EFCAB8: variants seen among roughly 807,000 people sequenced by gnomAD.
The protein encoded by EFCAB8 is EF-hand calcium binding domain 8.
In EFCAB8, 100 loss-of-function variants were observed where a neutral mutation model predicts 116.3. That is an observed-to-expected ratio of 0.86 (90% CI 0.73 to 1.02). The LOEUF is 1.02. Ranked by LOEUF, EFCAB8 falls within the 50% of genes least tolerant of loss-of-function variation. The pLI, the probability that EFCAB8 is intolerant of heterozygous loss-of-function variation, is 0.00. For missense variants in EFCAB8, 1,320 were observed against 1,416.9 expected (o/e 0.93, Z 1.10); for synonymous variants, 558 against 567.9 (o/e 0.98, Z 0.25).
chr20:32,955,607 C>G (rs753160357), intron 23 of EFCAB8, among the ~76,000 whole-genome samples: 1 of 152,116 alleles, frequency 6.6e-6, no homozygotes, highest in Non-Finnish European at 1.5e-5. Flanking sequence ...ATTCGAGAGT[C>G]CTGTTTGGAT....
intron 14 of EFCAB8, among the ~76,000 whole-genome samples, chr20:32,909,022 G>A (rs970826986): frequency 2.0e-5 from 3 of 152,222 alleles, no homozygotes; most frequent in African/African-American, 7.2e-5. Flanking sequence ...GAAGGTGGAG[G>A]CTTGGGGAGC....
At chr20:32,882,414 G>A (rs558092765) in intron 5 of EFCAB8, among the ~76,000 whole-genome samples, 3 of 152,306 alleles carry the variant, frequency 2.0e-5, no homozygotes, top group African/African-American at 4.8e-5. Context: ...ACACAGTTCC[G>A]GAATCAGTCC....
At chr20:32,917,158 A>G in intron 17 of EFCAB8, 143 bp from the exon 18 acceptor site, 1 of 648,010 alleles carries the variant, frequency 1.5e-6, no homozygotes, top group South Asian at 1.9e-5. Flanking sequence ...GGTCAATGGG[A>G]CATGGCTTCA....
intron 8 of EFCAB8, 123 bp from the exon 9 acceptor site, chr20:32,893,051 G>A: frequency 8.4e-7 from 1 of 1,195,374 alleles, no homozygotes; most frequent in Admixed American, 2.3e-5. Flanking sequence ...ACGTTGGCCA[G>A]GCTGGTCTCG....
chr20:32,883,133 C>T (rs888633061), intron 5 of EFCAB8, among the ~76,000 whole-genome samples: 3 of 152,164 alleles, frequency 2.0e-5, no homozygotes, highest in Non-Finnish European at 4.4e-5. Context: ...GCCTGGCCAA[C>T]CATTTCCATT....
At chr20:32,868,269 C>T (rs926802819) in intron 3 of EFCAB8, among the ~76,000 whole-genome samples, 1 of 152,054 alleles carries the variant, frequency 6.6e-6, no homozygotes, top group Non-Finnish European at 1.5e-5. Context: ...GCTATGTTGC[C>T]CAGGCTGGTC....
At chr20:32,907,653 A>G (rs902406619) in intron 13 of EFCAB8, among the ~76,000 whole-genome samples, 1 of 151,542 alleles carries the variant, frequency 6.6e-6, no homozygotes. Context: ...ATATCCACAC[A>G]CCCTCCTGTC....
rs921497498 is a variant in EFCAB8, at chr20:32,943,722, G to C, written c.2877G>C (p.Leu959=). 7 of 416,936 alleles carry C rather than the reference G, an allele frequency of 1.7e-5. No individual in the cohort carries two copies. In the South Asian group the frequency reaches 5.0e-4, roughly 30 times the overall value. The allele number at this position is 416,936 out of a possible 1,614,324, so 25.8% of individuals were successfully genotyped here. ...KGHLNSVADI[L]YVDNFQLVIS... is the part of the protein sequence containing the mutation. ...ATTTGAATAGTGTGGCAGACATCCT[G>C]TATGTGGACAACTTCCAGCTGGTTA... is the stretch of plus-strand genomic sequence containing the variant. Residue 959 remains leucine (L), a synonymous_variant, in exon 23 of 27, where the codon CTG becomes CTC. Transcript: ENST00000400522.
chr20:32,932,985 A>C (rs1600444457), intron 22 of EFCAB8, among the ~76,000 whole-genome samples: 2 of 152,248 alleles, frequency 1.3e-5, no homozygotes, highest in African/African-American at 4.8e-5. Context: ...TGAAGAATTT[A>C]TAATGTTGAT....
At chr20:32,931,446 G>A in intron 22 of EFCAB8, 110 bp downstream of exon 22, 1 of 1,333,070 alleles carries the variant, frequency 7.5e-7, no homozygotes, top group Admixed American at 3.3e-5. Flanking sequence ...TAAAAGATAA[G>A]AGCAAAAATA....
rs568780113 is a variant in EFCAB8 at position 32,941,145 on chromosome 20, G to A, written c.2791-2491G>A. Among the ~76,000 whole-genome samples, 141 of 149,286 alleles carry A rather than the reference G, an allele frequency of 9.4e-4. 5 individuals are homozygous for A. In the South Asian group the frequency reaches 0.012, roughly 13 times the overall value. ...CGGGTGCCTGTAATCCCAGCTACTC[G>A]GGAGGCTGAGGCAGGAGAATCGCTT... On this transcript the variant is annotated intron_variant, in intron 22 of 26. Transcript: ENST00000400522.
intron 9 of EFCAB8, among the ~76,000 whole-genome samples, chr20:32,895,235 G>A (rs1157401835): frequency 3.3e-5 from 5 of 152,132 alleles, no homozygotes; most frequent in African/African-American, 1.2e-4. Flanking sequence ...TTCAGCAGCC[G>A]GGAGATGCTA....
At chr20:32,896,834 C>T (rs1459043420) in intron 10 of EFCAB8, among the ~76,000 whole-genome samples, 1 of 152,198 alleles carries the variant, frequency 6.6e-6, no homozygotes, top group African/African-American at 2.4e-5. Flanking sequence ...GCAGCACTGT[C>T]TCCATTCAGG....
At chr20:32,935,799 C>A (rs1290473182) in intron 22 of EFCAB8, among the ~76,000 whole-genome samples, 3 of 152,024 alleles carry the variant, frequency 2.0e-5, no homozygotes, top group African/African-American at 7.3e-5. Flanking sequence ...GTGCACCTGG[C>A]CCACTTTGCT....
intron 4 of EFCAB8, among the ~76,000 whole-genome samples, chr20:32,877,480 A>T (rs1985039452): frequency 6.6e-6 from 1 of 152,296 alleles, no homozygotes; most frequent in African/African-American, 2.4e-5. Context: ...AAGTGCTGGG[A>T]TTACAGGTGT....
chr20:32,911,336 A>G (rs1986907840), intron 15 of EFCAB8, 144 bp from the exon 16 acceptor site: 2 of 643,268 alleles, frequency 3.1e-6, no homozygotes, highest in African/African-American at 3.7e-5. Flanking sequence ...TCCTGTTTTC[A>G]AAAGTGGCTT....
chr20:32,930,191 C>A (rs754507801), intron 20 of EFCAB8, among the ~76,000 whole-genome samples: 1 of 152,230 alleles, frequency 6.6e-6, no homozygotes, highest in South Asian at 2.1e-4. Context: ...AAAAAAGACG[C>A]AAAATCCCTG....
At chr20:32,888,511 T>C (rs919987253) in intron 6 of EFCAB8, among the ~76,000 whole-genome samples, 10 of 152,018 alleles carry the variant, frequency 6.6e-5, no homozygotes, top group Non-Finnish European at 1.3e-4. Context: ...TGTGAGCCAC[T>C]GCGCCCAGCC....
At chr20:32,923,950 A>G (rs929799511) in intron 20 of EFCAB8, among the ~76,000 whole-genome samples, 1 of 152,220 alleles carries the variant, frequency 6.6e-6, no homozygotes, top group African/African-American at 2.4e-5. Flanking sequence ...GATTAGAAAC[A>G]TACTCCTGGA....
Sources: allele counts gnomAD v4.1 joint callset (sites outside exome capture counted in the v4.1 genomes callset), GRCh38; gene constraint gnomAD v4.1.1; transcripts MANE v1.5; gene names NCBI Gene and HGNC (gene_info 2026-07-23, HGNC 2026-07-21).